Variants in PPP3CA observed in about 807,000 individuals in gnomAD.
PPP3CA encodes CAM-PRP catalytic subunit.
Under a neutral mutation model 66.5 loss-of-function variants are expected in PPP3CA, and 14 were observed. That is an observed-to-expected ratio of 0.21 (90% confidence interval 0.14 to 0.33). The LOEUF (loss-of-function observed/expected upper bound fraction) is 0.33. Among genes scored for constraint, PPP3CA ranks in the 10% least tolerant of loss-of-function variants. The pLI is 1.00. For missense variants in PPP3CA, 317 were observed against 639.5 expected (o/e 0.50, Z 5.44); for synonymous variants, 232 against 226.2 (o/e 1.03, Z -0.23).
chr4:101,054,732 A>T (rs1269937156), intron 10 of PPP3CA, among the ~76,000 whole-genome samples: 1 of 152,036 alleles, frequency 6.6e-6, no homozygotes. Flanking sequence ...ACTATGGAAG[A>T]TAATTTTCTG....
At chr4:101,274,269 G>A (rs534064950) in intron 1 of PPP3CA, among the ~76,000 whole-genome samples, 7 of 152,242 alleles carry the variant, frequency 4.6e-5, no homozygotes, top group African/African-American at 1.2e-4. Context: ...GCAAGATTGC[G>A]CCACTGCACT....
intron 8 of PPP3CA, among the ~76,000 whole-genome samples, chr4:101,068,250 C>A (rs1728765415): frequency 6.6e-6 from 1 of 152,122 alleles, no homozygotes; most frequent in African/African-American, 2.4e-5. Flanking sequence ...AGCAAAAGCA[C>A]AAATAAATTG....
At chr4:101,193,814 A>C (rs1724695613) in intron 2 of PPP3CA, among the ~76,000 whole-genome samples, 1 of 152,224 alleles carries the variant, frequency 6.6e-6, no homozygotes, top group Admixed American at 6.5e-5. Flanking sequence ...GAATGAAGGA[A>C]TATCTAGATT....
intron 3 of PPP3CA, among the ~76,000 whole-genome samples, chr4:101,104,454 A>ATT (rs11420114): frequency 3.1e-4 from 46 of 148,954 alleles, no homozygotes; most frequent in Middle Eastern, 3.4e-3. Context: ...TGCATTACTG[A>ATT]TTTTTTTTTT....
intron 1 of PPP3CA, among the ~76,000 whole-genome samples, chr4:101,284,256 A>T (rs1727769166): frequency 6.6e-6 from 1 of 152,116 alleles, no homozygotes; most frequent in Non-Finnish European, 1.5e-5. Context: ...CTTGTATAGG[A>T]TTTCTAGCCA....
At chr4:101,091,465 A>G (rs1390061868) in intron 6 of PPP3CA, among the ~76,000 whole-genome samples, 2 of 152,200 alleles carry the variant, frequency 1.3e-5, no homozygotes, top group Non-Finnish European at 2.9e-5. Flanking sequence ...AATTTTTAAA[A>G]TAAATATGCT....
chr4:101,300,829 T>A (rs34986310), intron 1 of PPP3CA, among the ~76,000 whole-genome samples: 1 of 152,048 alleles, frequency 6.6e-6, no homozygotes, highest in Non-Finnish European at 1.5e-5. Flanking sequence ...AATGTCATTC[T>A]GGATTGTACT....
At chr4:101,199,024 T>C (rs1219479813) in intron 1 of PPP3CA, among the ~76,000 whole-genome samples, 2 of 152,130 alleles carry the variant, frequency 1.3e-5, no homozygotes, top group African/African-American at 2.4e-5. Flanking sequence ...TGAGCAGTAA[T>C]GATGCCAAAG....
chr4:101,229,371 A>G (rs942720334), intron 1 of PPP3CA, among the ~76,000 whole-genome samples: 5 of 151,606 alleles, frequency 3.3e-5, no homozygotes, highest in African/African-American at 1.2e-4. Context: ...CTATCTATAC[A>G]AGGTTCTGGA....
intron 1 of PPP3CA, among the ~76,000 whole-genome samples, chr4:101,328,693 T>C (rs1463341893): frequency 2.0e-5 from 3 of 152,228 alleles, no homozygotes; most frequent in East Asian, 1.9e-4. Flanking sequence ...CATTTTTCCA[T>C]CAGCATGTGC....
rs186886490 is a variant in PPP3CA at position 101,066,576 on chromosome 4, T to C, written c.956-3219A>G. 2.7e-3 allele frequency among the ~76,000 whole-genome samples: 409 copies of C among 152,284 alleles called. 3 individuals are homozygous for C. Among genetic ancestry groups the C allele is most frequent in the Non-Finnish European group, 4.3e-3 (294 of 68,030 alleles). On this transcript the variant is annotated intron_variant, in intron 8 of 13. Transcript: ENST00000394854. ...AAACTACAACAATATGTATTCTTTT[T>C]TCTTCAGCAACACATTTATGCAAAA...
At chr4:101,162,572 G>T (rs4699105) in intron 2 of PPP3CA, among the ~76,000 whole-genome samples, 13,255 of 75,346 alleles carry the variant, frequency 0.18, 731 homozygotes, top group East Asian at 0.31. Flanking sequence ...AATAAATAAA[G>T]GGAAATGTAT....
In PPP3CA at chr4:101,061,134, T is replaced by C. The variant is rs1409876017; in HGVS notation, c.1109A>G (p.Asn370Ser). The C allele has an allele frequency of 1.2e-6, 2 of 1,612,268 alleles. No homozygotes were observed. The highest frequency in any genetic ancestry group is 1.7e-6 in the Non-Finnish European group (2 of 1,178,736). The change falls in exon 10 of 14, where the codon AAC becomes AGC. Residue 370 changes from asparagine to serine, a missense_variant. Coordinates refer to ENST00000394854, the MANE Select transcript of PPP3CA (RefSeq NM_000944.5). Reference sequence around the variant, plus strand: ...CCCTAGTTCATCATCTGAGCAGATGTTGAGGACATTTACCAGCATCTCAGT... The same window carrying C: ...CCCTAGTTCATCATCTGAGCAGATGCTGAGGACATTTACCAGCATCTCAGT... ...KVTEMLVNVLNICSDDELGSE... is the reference protein window; with the variant it reads ...KVTEMLVNVLSICSDDELGSE...
At chr4:101,228,613 A>T (rs951932987) in intron 1 of PPP3CA, among the ~76,000 whole-genome samples, 3 of 151,566 alleles carry the variant, frequency 2.0e-5, no homozygotes, top group Non-Finnish European at 4.4e-5. Flanking sequence ...AATCTTTCAT[A>T]AAAAAGGGGC....
At chr4:101,276,542 T>TC (rs986508153) in intron 1 of PPP3CA, among the ~76,000 whole-genome samples, 5 of 152,140 alleles carry the variant, frequency 3.3e-5, no homozygotes, top group South Asian at 2.1e-4. Context: ...CACTAGCTTT[T>TC]CCCCCCACAT....
intron 1 of PPP3CA, among the ~76,000 whole-genome samples, chr4:101,301,433 ATAT>A (rs1234302876): frequency 1.4e-5 from 2 of 146,712 alleles, no homozygotes; most frequent in Non-Finnish European, 3.0e-5. Context: ...TATATAATAT[ATAT>A]TAATTATATA....
At chr4:101,036,818 G>A (rs757292735) in intron 11 of PPP3CA, among the ~76,000 whole-genome samples, 1 of 152,062 alleles carries the variant, frequency 6.6e-6, no homozygotes, top group Non-Finnish European at 1.5e-5. Context: ...TACTCTTCCC[G>A]ATAAATACCT....
intron 1 of PPP3CA, among the ~76,000 whole-genome samples, chr4:101,220,621 T>C (rs1008947938): frequency 1.1e-4 from 16 of 151,746 alleles, no homozygotes; most frequent in Non-Finnish European, 1.8e-4. Context: ...TTTTTCTTAA[T>C]TATTCTTCCT....
chr4:101,142,616 G>A (rs1722845390), intron 2 of PPP3CA, among the ~76,000 whole-genome samples: 2 of 152,090 alleles, frequency 1.3e-5, no homozygotes, highest in African/African-American at 4.8e-5. Flanking sequence ...TGTCCAGGCT[G>A]GATTCAAACT....
Sources: gnomAD v4.1 joint callset for allele counts (sites outside exome capture counted in the v4.1 genomes callset) on GRCh38, gnomAD v4.1.1 for gene constraint, MANE v1.5 for transcripts, NCBI Gene and HGNC (gene_info 2026-07-23, HGNC 2026-07-21) for gene names.